AASDH: variants seen among roughly 807,000 people sequenced by gnomAD.
The protein encoded by AASDH is beta-alanine-activating enzyme.
AASDH carries 81 observed loss-of-function variants against 102.3 expected under a neutral mutation model. The ratio of observed to expected loss-of-function variants is 0.79; its 90% confidence interval spans 0.66 to 0.95. The LOEUF (loss-of-function observed/expected upper bound fraction) is 0.95. Ranked by LOEUF, AASDH falls within the 40% of genes least tolerant of loss-of-function variation. The pLI, the probability that AASDH is intolerant of heterozygous loss-of-function variation, is 0.00. For missense variants in AASDH, 1,203 were observed against 1,266.2 expected, an observed-to-expected ratio of 0.95 and a Z score of 0.76; for synonymous variants, 398 against 454.0, an observed-to-expected ratio of 0.88 and a Z score of 1.57.
In AASDH at chr4:56,382,493, TCAA is replaced by T; in HGVS notation, c.332_334del (p.Val111del). The T allele has an allele frequency of 2.5e-6, 4 of 1,583,322 alleles. No homozygotes were observed. The highest frequency in any genetic ancestry group is 3.5e-6 in the Non-Finnish European group (4 of 1,156,488). ...CAGACTTACATTAATTTGTTTTTTT[TCAA>T]CAAGGATATACTTTAGATTACATTT... is the stretch of plus-strand genomic sequence containing the variant. On this transcript the variant is annotated inframe_deletion, in exon 3 of 15. Coordinates refer to ENST00000205214, the MANE Select transcript of AASDH (RefSeq NM_181806.4).
rs796237233 is a variant in AASDH at position 56,356,569 on chromosome 4, T to C, written c.862-1146A>G. ...GCAGGAGTTAACACCATCAACACCT[T>C]GGTGGAGAACAAAGAAAGCTCAGCT... is the stretch of plus-strand genomic sequence containing the variant. On this transcript the variant is annotated intron_variant, in intron 5 of 14. Transcript: ENST00000205214. 11 of 759,832 alleles carry C rather than the reference T, an allele frequency of 1.4e-5. No individual in the cohort carries two copies. The African/African-American group carries it at 1.7e-4, about 12-fold the overall frequency. The allele number at this position is 759,832 out of a possible 1,614,324, so 47.1% of individuals were successfully genotyped here.
At chr4:56,385,063 G>C (rs1753398956) in intron 1 of AASDH, among the ~76,000 whole-genome samples, 1 of 152,166 alleles carries the variant, frequency 6.6e-6, no homozygotes, top group Admixed American at 6.5e-5. Context: ...GACAGGGCAA[G>C]ACCCCATCTC....
At chr4:56,368,635 C>T (rs1180060706) in intron 5 of AASDH, among the ~76,000 whole-genome samples, 2 of 147,446 alleles carry the variant, frequency 1.4e-5, no homozygotes, top group African/African-American at 2.5e-5. Flanking sequence ...AACCAAACAC[C>T]GCATGTTCTC....
chr4:56,384,814 C>T (rs1753365796), intron 1 of AASDH, among the ~76,000 whole-genome samples: 1 of 152,224 alleles, frequency 6.6e-6, no homozygotes, highest in South Asian at 2.1e-4. Context: ...TGGCTCACAC[C>T]TGTAATCCCA....
chr4:56,338,830 T>TA, intron 14 of AASDH, 39 bp from the exon 15 acceptor site: 1 of 1,565,348 alleles, frequency 6.4e-7, no homozygotes, highest in Non-Finnish European at 8.7e-7. Flanking sequence ...TTCATTCATC[T>TA]AATTGCTCCA....
At chr4:56,339,917 C>CCAA (rs1319368453) in intron 14 of AASDH, among the ~76,000 whole-genome samples, 1 of 151,800 alleles carries the variant, frequency 6.6e-6, no homozygotes, top group African/African-American at 2.4e-5. Flanking sequence ...ACCTGTAATC[C>CCAA]CAACACTTTG....
chr4:56,355,561 T>C (rs529268568), intron 5 of AASDH, 138 bp from the exon 6 acceptor site: 3 of 745,024 alleles, frequency 4.0e-6, no homozygotes, highest in African/African-American at 1.8e-5. Flanking sequence ...GAAATCCCAT[T>C]TGGAAAACTA....
At chr4:56,367,067 TAC>T (rs1212934971) in intron 5 of AASDH, among the ~76,000 whole-genome samples, 1 of 151,342 alleles carries the variant, frequency 6.6e-6, no homozygotes, top group Admixed American at 6.6e-5. Flanking sequence ...AGCATTCTTA[TAC>T]ACCAATAACA....
chr4:56,353,495 T>C lies in AASDH; in HGVS notation c.1485A>G (p.Glu495=), dbSNP rs753209494. 5.6e-6 allele frequency: 9 copies of C among 1,613,932 alleles called. No homozygotes were observed. Among genetic ancestry groups the C allele is most frequent in the Non-Finnish European group, 6.8e-6 (8 of 1,179,950 alleles). ...ATTTCTGCAGTTCTTTAAAGATGTA[T>C]TCTTTTACTGAAGCATCTTTAGACA... ...FMVSKDASVK[E]YIFKELQKYL... is the part of the protein sequence containing the mutation. Residue 495 remains glutamate (E), a synonymous_variant, in exon 9 of 15, where the codon GAA becomes GAG. Coordinates refer to ENST00000205214, the MANE Select transcript of AASDH (RefSeq NM_181806.4).
chr4:56,345,179 C>T lies in AASDH; in HGVS notation c.2600G>A (p.Gly867Glu). 6.2e-7 allele frequency: 1 copy of T among 1,614,056 alleles called. No individual in the cohort carries two copies. Among genetic ancestry groups the T allele is most frequent in the Non-Finnish European group, 8.5e-7 (1 of 1,180,012 alleles). The change falls in exon 12 of 15, where the codon GGA (glycine) becomes GAA (glutamate). Residue 867 changes from glycine (G) to glutamate (E), a missense_variant. Coordinates refer to ENST00000205214, the MANE Select transcript of AASDH (RefSeq NM_181806.4). Reference protein sequence around the residue: ...KSSATMDPTTGLIYIGSHDQH... With the variant: ...KSSATMDPTTELIYIGSHDQH... ...GTCATGAGATCCAATGTAAATGAGT[C>T]CTGTGGTTGGATCCATGGTTGCCGA...
At chr4:56,362,071 T>C (rs1055670975) in intron 5 of AASDH, among the ~76,000 whole-genome samples, 1 of 152,218 alleles carries the variant, frequency 6.6e-6, no homozygotes, top group Non-Finnish European at 1.5e-5. Flanking sequence ...AGGTTTGTGA[T>C]AAACCAAAAA....
intron 3 of AASDH, among the ~76,000 whole-genome samples, chr4:56,379,618 C>T (rs1752749925): frequency 6.6e-6 from 1 of 152,098 alleles, no homozygotes; most frequent in Non-Finnish European, 1.5e-5. Flanking sequence ...TTCAAAAACA[C>T]CAGACATATA....
At position 56,378,455 on chromosome 4, in the gene AASDH, A is replaced by G. The variant is rs1431347109; in HGVS notation, c.361T>C (p.Ser121Pro). Residue 121 changes from serine (S) to proline (P), a missense_variant, in exon 4 of 15, where the codon TCT (serine) becomes CCT (proline). Coordinates refer to ENST00000205214, the MANE Select transcript of AASDH (RefSeq NM_181806.4). ...TAGTTCAATAATGTTTCATGAAAAG[A>G]TTTAAATTTCTGTGTGAAATGGGGG... Reference protein sequence around the residue: ...VEKKQINKFKSFHETLLNYDT... With the variant: ...VEKKQINKFKPFHETLLNYDT... 1.9e-6 allele frequency: 3 copies of G among 1,593,334 alleles called. No homozygotes were observed. The Admixed American group carries it at 5.4e-5, about 29-fold the overall frequency.
intron 5 of AASDH, among the ~76,000 whole-genome samples, chr4:56,360,942 T>A (rs1750213918): frequency 1.3e-5 from 2 of 152,224 alleles, no homozygotes; most frequent in African/African-American, 2.4e-5. Context: ...TCTTACCTGT[T>A]ATGCCAAGAA....
At chr4:56,348,152 A>C (rs1748537706) in intron 11 of AASDH, among the ~76,000 whole-genome samples, 2 of 151,902 alleles carry the variant, frequency 1.3e-5, no homozygotes, top group Non-Finnish European at 2.9e-5. Context: ...CTCCATCTCA[A>C]AAAAAAGAAA....
At chr4:56,385,282 G>A (rs896213422) in intron 1 of AASDH, among the ~76,000 whole-genome samples, 2 of 151,936 alleles carry the variant, frequency 1.3e-5, no homozygotes, top group African/African-American at 4.8e-5. Context: ...TTTTACAGAA[G>A]TCATACTTGT....
At chr4:56,358,016 A>G (rs1749819696) in intron 5 of AASDH, among the ~76,000 whole-genome samples, 1 of 152,032 alleles carries the variant, frequency 6.6e-6, no homozygotes, top group Non-Finnish European at 1.5e-5. Flanking sequence ...TTCTATCAAC[A>G]ATGCTTTATA....
chr4:56,339,116 T>C (rs1747299112), intron 14 of AASDH, among the ~76,000 whole-genome samples: 1 of 152,122 alleles, frequency 6.6e-6, no homozygotes. Context: ...TAAAACTACA[T>C]TGAGTTTTCA....
intron 3 of AASDH, among the ~76,000 whole-genome samples, chr4:56,380,811 C>T (rs963756754): frequency 1.3e-5 from 2 of 152,124 alleles, no homozygotes; most frequent in Admixed American, 6.6e-5. Flanking sequence ...TTAGCAGTAT[C>T]GCTGGCCTCT....
Sources: gnomAD v4.1 joint callset for allele counts (sites outside exome capture counted in the v4.1 genomes callset) on GRCh38, gnomAD v4.1.1 for gene constraint, MANE v1.5 for transcripts, NCBI Gene and HGNC (gene_info 2026-07-23, HGNC 2026-07-21) for gene names.